MACROD2: variants seen among roughly 807,000 people sequenced by gnomAD.
MACROD2 encodes ADP-ribose glycohydrolase MACROD2.
A neutral mutation model predicts 70.4 loss-of-function variants in MACROD2; 36 were observed. That is an observed-to-expected ratio of 0.51 (90% CI 0.39 to 0.68). The LOEUF (loss-of-function observed/expected upper bound fraction) is 0.68, where lower values mean the gene tolerates loss of function less well. Among genes scored for constraint, MACROD2 ranks in the 30% least tolerant of loss-of-function variants. MACROD2 has a pLI of 0.00. For missense variants in MACROD2, 496 were observed against 538.4 expected, an observed-to-expected ratio of 0.92 and a Z score of 0.78; for synonymous variants, 172 against 178.8, an observed-to-expected ratio of 0.96 and a Z score of 0.30.
At chr20:14,465,560 A>G (rs940713377) in intron 3 of MACROD2, among the ~76,000 whole-genome samples, 6 of 152,024 alleles carry the variant, frequency 3.9e-5, no homozygotes, top group African/African-American at 1.5e-4. Context: ...TTATGTGTGA[A>G]TTTGATCCTG....
chr20:14,081,346 T>A (rs2053991917), intron 2 of MACROD2, among the ~76,000 whole-genome samples: 1 of 152,218 alleles, frequency 6.6e-6, no homozygotes, highest in Non-Finnish European at 1.5e-5. Flanking sequence ...AGTTCTATAC[T>A]GAGGTCTCTT....
At chr20:14,343,059 G>A (rs2083031191) in intron 3 of MACROD2, among the ~76,000 whole-genome samples, 1 of 152,092 alleles carries the variant, frequency 6.6e-6, no homozygotes. Flanking sequence ...GTCACGGGGT[G>A]TGGCAGTAGC....
At chr20:14,126,920 G>C (rs1256273902) in intron 3 of MACROD2, among the ~76,000 whole-genome samples, 1 of 152,130 alleles carries the variant, frequency 6.6e-6, no homozygotes. Context: ...AGAAACAACA[G>C]TATTGAAATT....
At chr20:15,894,767 C>T (rs1207197485) in intron 10 of MACROD2, among the ~76,000 whole-genome samples, 2 of 152,164 alleles carry the variant, frequency 1.3e-5, no homozygotes, top group African/African-American at 2.4e-5. Flanking sequence ...TATGCACTGC[C>T]CTAATTCAGT....
At chr20:14,751,072 C>T (rs1311663358) in intron 5 of MACROD2, among the ~76,000 whole-genome samples, 2 of 152,012 alleles carry the variant, frequency 1.3e-5, no homozygotes, top group African/African-American at 4.8e-5. Flanking sequence ...TACATTCAAC[C>T]AAACTTTAAC....
At chr20:15,024,710 G>C (rs2075216339) in intron 5 of MACROD2, among the ~76,000 whole-genome samples, 2 of 151,998 alleles carry the variant, frequency 1.3e-5, no homozygotes, top group Non-Finnish European at 2.9e-5. Context: ...TACCTATCCT[G>C]TGGTTACTAT....
Position 14,324,478 on chromosome 20 carries a change from T to A in MACROD2, c.272-169001T>A, listed in dbSNP as rs548047718. On this transcript the variant is annotated intron_variant, in intron 3 of 17. Coordinates refer to ENST00000684519, the MANE Select transcript of MACROD2 (RefSeq NM_001351661.2). The stretch of plus-strand genomic sequence containing the variant: ...TAAATTGAACATTTATGTACAGTGT[T>A]AAAACCTTTGACATAAACCAGATCT... 6.5e-5 allele frequency: 10 copies of A among 152,744 alleles called. No homozygotes were observed. In the East Asian group the frequency reaches 1.9e-3, roughly 29 times the overall value. The allele number at this position is 152,744 out of a possible 1,614,324, so 9.5% of individuals were successfully genotyped here. A position where few individuals can be genotyped will look rare whatever the true frequency, so the allele number is the denominator to read the frequency against.
intron 5 of MACROD2, among the ~76,000 whole-genome samples, chr20:15,126,465 A>G (rs975992): frequency 0.081 from 12,244 of 152,038 alleles, 640 homozygotes; most frequent in East Asian, 0.29. Context: ...TTAAAATTAT[A>G]TAAATTATTT....
intron 3 of MACROD2, among the ~76,000 whole-genome samples, chr20:14,358,815 G>A (rs1369043728): frequency 1.3e-5 from 2 of 152,160 alleles, no homozygotes; most frequent in Non-Finnish European, 2.9e-5. Flanking sequence ...GTCACACAGA[G>A]TTGCACTCAG....
chr20:15,638,307 A>C lies in MACROD2; in HGVS notation c.645+138460A>C, dbSNP rs1358304043. Among the ~76,000 whole-genome samples the C allele has an allele frequency of 3.9e-5, 6 of 152,190 alleles. 1 individual carries two copies. On this transcript the variant is annotated intron_variant, in intron 8 of 17. Transcript: ENST00000684519. ...AGAGGGAGAAATAAAAAATATCTCA[A>C]TAGAAATGGAAACCAGTGTTGGGTT...
intron 5 of MACROD2, among the ~76,000 whole-genome samples, chr20:14,718,387 G>A (rs2071422959): frequency 6.6e-6 from 1 of 151,114 alleles, no homozygotes; most frequent in South Asian, 2.1e-4. Flanking sequence ...AGGAAACAGT[G>A]TGGGTGCATG....
intron 2 of MACROD2, among the ~76,000 whole-genome samples, chr20:14,018,529 A>G (rs987166190): frequency 5.3e-5 from 8 of 151,992 alleles, no homozygotes; most frequent in African/African-American, 1.7e-4. Flanking sequence ...TAATTTCCAC[A>G]TATCTTTTAG....
At chr20:15,859,025 A>G (rs2064389819) in intron 8 of MACROD2, among the ~76,000 whole-genome samples, 1 of 152,224 alleles carries the variant, frequency 6.6e-6, no homozygotes, top group Non-Finnish European at 1.5e-5. Flanking sequence ...GATAACATAA[A>G]GATTGATTAA....
intron 6 of MACROD2, among the ~76,000 whole-genome samples, chr20:15,259,509 G>A (rs1270332331): frequency 1.3e-5 from 2 of 152,016 alleles, no homozygotes; most frequent in African/African-American, 4.8e-5. Flanking sequence ...TTGTTGTGGT[G>A]ATGGTTTTTT....
Position 15,147,211 on chromosome 20 carries a change from A to G in MACROD2, c.419-82729A>G, listed in dbSNP as rs11906752. The stretch of plus-strand genomic sequence containing the variant: ...TTATTTCAGAATTTTAATTCATGGT[A>G]CTTTTTCCTTTTCAAATGGTGCTGT... On this transcript the variant is annotated intron_variant, in intron 5 of 17. Coordinates refer to ENST00000684519, the MANE Select transcript of MACROD2 (RefSeq NM_001351661.2). 7.9e-3 allele frequency among the ~76,000 whole-genome samples: 1,205 copies of G among 152,282 alleles called. 18 individuals are homozygous for G. Among genetic ancestry groups the G allele is most frequent in the African/African-American group, 0.028 (1,147 of 41,564 alleles).
At chr20:14,651,637 A>C (rs1985684864) in intron 4 of MACROD2, among the ~76,000 whole-genome samples, 1 of 152,218 alleles carries the variant, frequency 6.6e-6, no homozygotes, top group Non-Finnish European at 1.5e-5. Flanking sequence ...TGAATGTATC[A>C]TGCATAGTGG....
intron 3 of MACROD2, among the ~76,000 whole-genome samples, chr20:14,283,769 G>T (rs1387352290): frequency 6.6e-6 from 1 of 152,002 alleles, no homozygotes; most frequent in Admixed American, 6.6e-5. Flanking sequence ...CAAAGTGCTG[G>T]GATTACAGGA....
intron 3 of MACROD2, among the ~76,000 whole-genome samples, chr20:14,106,537 C>T (rs1033518408): frequency 6.6e-6 from 1 of 152,094 alleles, no homozygotes; most frequent in Non-Finnish European, 1.5e-5. Flanking sequence ...ATCTGGCTGG[C>T]TTTGCCACCT....
At chr20:14,374,966 C>A (rs1266226009) in intron 3 of MACROD2, among the ~76,000 whole-genome samples, 1 of 152,070 alleles carries the variant, frequency 6.6e-6, no homozygotes, top group Non-Finnish European at 1.5e-5. Flanking sequence ...CATTAGAGAG[C>A]AGGTAATTAT....
Sources: allele counts gnomAD v4.1 joint callset (sites outside exome capture counted in the v4.1 genomes callset), GRCh38; gene constraint gnomAD v4.1.1; transcripts MANE v1.5; gene names NCBI Gene and HGNC (gene_info 2026-07-23, HGNC 2026-07-21).